The following PTPN3 variants were observed in gnomAD, a reference collection of about 807,000 sequenced individuals.
PTPN3 encodes tyrosine-protein phosphatase non-receptor type 3.
A neutral mutation model predicts 132.7 loss-of-function variants in PTPN3; 96 were observed. The observed-to-expected ratio is 0.72, with a 90% CI of 0.61 to 0.86. PTPN3 has a LOEUF of 0.86. Ranked by LOEUF, PTPN3 falls within the 40% of genes least tolerant of loss-of-function variation. PTPN3 has a pLI of 0.00. For synonymous variants in PTPN3, 398 were observed against 429.0 expected, an observed-to-expected ratio of 0.93 and a Z score of 0.89; for missense variants, 1,125 against 1,159.6, an observed-to-expected ratio of 0.97 and a Z score of 0.43.
At chr9:109,530,352 C>T in the PTPN3 span, among the ~76,000 whole-genome samples, 803 of 152,290 alleles carry the variant, frequency 5.3e-3, 5 homozygotes, top group African/African-American at 0.018. Context: ...CCTTATTTAA[C>T]TTAGCATGTT....
intron 7 of PTPN3, 133 bp from the exon 8 acceptor site, chr9:109,438,367 G>A: frequency 2.1e-6 from 2 of 948,224 alleles, no homozygotes; most frequent in South Asian, 1.9e-5. Flanking sequence ...TACACCACAT[G>A]AACTGAAGCT....
intron 17 of PTPN3, 90 bp from the exon 18 acceptor site, chr9:109,406,708 G>C: frequency 6.6e-7 from 1 of 1,523,852 alleles, no homozygotes; most frequent in Middle Eastern, 1.7e-4. Context: ...CAGACACCTG[G>C]GACCATGATC....
the PTPN3 span, among the ~76,000 whole-genome samples, chr9:109,518,138 A>G: frequency 6.6e-6 from 1 of 152,128 alleles, no homozygotes; most frequent in Non-Finnish European, 1.5e-5. Flanking sequence ...CCTTCATTAC[A>G]TACTCTCCAG....
chr9:109,414,226 G>C (rs1842304454), intron 14 of PTPN3, among the ~76,000 whole-genome samples: 1 of 152,248 alleles, frequency 6.6e-6, no homozygotes, highest in Non-Finnish European at 1.5e-5. Context: ...GTGAAGGCGA[G>C]TTAAATGGTT....
intron 1 of PTPN3, among the ~76,000 whole-genome samples, chr9:109,488,126 T>G (rs1005731748): frequency 1.4e-5 from 2 of 144,252 alleles, no homozygotes; most frequent in Non-Finnish European, 3.0e-5. Context: ...AGATGGAATC[T>G]CGCTCTTTTG....
chr9:109,445,170 A>C lies in PTPN3; in HGVS notation c.466+70T>G, dbSNP rs570974171. Reference sequence around the variant, plus strand: ...AGAGGGACTTGGTCAAGCAGGAGGAACCAGTGACTTTCTCCACACACTGAT... The same window carrying C: ...AGAGGGACTTGGTCAAGCAGGAGGACCCAGTGACTTTCTCCACACACTGAT... On this transcript the variant is annotated intron_variant, in intron 7 of 25. Coordinates refer to ENST00000374541, the MANE Select transcript of PTPN3 (RefSeq NM_002829.4). 6.3e-5 allele frequency: 94 copies of C among 1,487,258 alleles called. No individual in the cohort carries two copies. In the East Asian group the frequency reaches 2.0e-3, roughly 32 times the overall value. 92.1% of individuals were successfully genotyped at this position (1,487,258 alleles called of 1,614,324 possible).
At chr9:109,492,888 C>T (rs934214224) in intron 1 of PTPN3, among the ~76,000 whole-genome samples, 9 of 152,160 alleles carry the variant, frequency 5.9e-5, no homozygotes, top group African/African-American at 1.7e-4. Flanking sequence ...TCTCTAGTGC[C>T]GATGGACTTT....
chr9:109,445,705 G>A (rs1455568313), intron 6 of PTPN3, among the ~76,000 whole-genome samples: 1 of 152,172 alleles, frequency 6.6e-6, no homozygotes, highest in African/African-American at 2.4e-5. Context: ...CTAAATTCCT[G>A]AGTTCTAATG....
At chr9:109,410,867 A>G in intron 14 of PTPN3, among the ~76,000 whole-genome samples, 1 of 152,072 alleles carries the variant, frequency 6.6e-6, no homozygotes, top group East Asian at 1.9e-4. Flanking sequence ...AGGAAACAGG[A>G]CTGTTGTTGT....
chr9:109,435,739 C>T (rs7044766), intron 9 of PTPN3, among the ~76,000 whole-genome samples: 56,887 of 151,904 alleles, frequency 0.37, 11,453 homozygotes, highest in African/African-American at 0.51. Flanking sequence ...AGATATAAAG[C>T]CCTACTTCAC....
At chr9:109,508,120 C>G in the PTPN3 span, among the ~76,000 whole-genome samples, 2 of 152,002 alleles carry the variant, frequency 1.3e-5, no homozygotes, top group African/African-American at 4.8e-5. Context: ...GCTATGAGCT[C>G]TCTAATCCCT....
In PTPN3 at chr9:109,456,176, T is replaced by C. The variant is rs910217723; in HGVS notation, c.289+997A>G. Among the ~76,000 whole-genome samples, 6 of 152,238 alleles carry C rather than the reference T, an allele frequency of 3.9e-5. No homozygotes were observed. In the South Asian group the frequency reaches 1.2e-3, roughly 31 times the overall value. ...TGCGTGTGTGTGTTGGGGGGCATCC[T>C]GTGTATGCGCACCTGCGTGCGCAAA... On this transcript the variant is annotated intron_variant, in intron 4 of 25. Coordinates refer to ENST00000374541, the MANE Select transcript of PTPN3 (RefSeq NM_002829.4).
intron 10 of PTPN3, chr9:109,428,992 T>C: frequency 1.0e-6 from 1 of 985,430 alleles, no homozygotes; most frequent in Non-Finnish European, 1.2e-6. Flanking sequence ...CTGCGTGAGC[T>C]GGTATATACA....
chr9:109,414,089 T>TG (rs1842289889), intron 14 of PTPN3, among the ~76,000 whole-genome samples: 2 of 151,984 alleles, frequency 1.3e-5, no homozygotes, highest in Non-Finnish European at 2.9e-5. Context: ...AGTACTCAAC[T>TG]GAAATGCTGA....
the PTPN3 span, among the ~76,000 whole-genome samples, chr9:109,517,288 T>TAA: frequency 6.6e-6 from 1 of 152,280 alleles, no homozygotes; most frequent in East Asian, 1.9e-4. Context: ...TAATACATGC[T>TAA]CAGTTACATT....
At chr9:109,467,794 A>G (rs1368329606) in intron 1 of PTPN3, among the ~76,000 whole-genome samples, 1 of 152,168 alleles carries the variant, frequency 6.6e-6, no homozygotes, top group Admixed American at 6.5e-5. Flanking sequence ...GTGGTTAGCA[A>G]TGATGCTGTC....
intron 1 of PTPN3, among the ~76,000 whole-genome samples, chr9:109,489,288 G>A (rs1348282365): frequency 2.6e-5 from 4 of 152,190 alleles, no homozygotes; most frequent in South Asian, 2.1e-4. Flanking sequence ...AGGCCGGTGT[G>A]GCAGGCACAA....
At chr9:109,501,023 A>G (rs575092484), upstream of PTPN3, among the ~76,000 whole-genome samples, 36 of 152,012 alleles carry the variant, frequency 2.4e-4, no homozygotes, top group Admixed American at 4.6e-4. Context: ...TGGGAAAATT[A>G]ACTAGTCATT....
At chr9:109,518,356 G>A in the PTPN3 span, among the ~76,000 whole-genome samples, 1 of 152,306 alleles carries the variant, frequency 6.6e-6, no homozygotes, top group African/African-American at 2.4e-5. Flanking sequence ...AGCTTCATGG[G>A]ATGCTAGAGG....
Sources: gnomAD v4.1 joint callset for allele counts (sites outside exome capture counted in the v4.1 genomes callset) on GRCh38, gnomAD v4.1.1 for gene constraint, MANE v1.5 for transcripts, NCBI Gene and HGNC (gene_info 2026-07-23, HGNC 2026-07-21) for gene names.